Variants in DLC1 observed in about 807,000 individuals in gnomAD.
DLC1 encodes DLC1 Rho GTPase activating protein.
In DLC1, 54 loss-of-function variants were observed where a neutral mutation model predicts 140.3. The observed-to-expected ratio is 0.38, with a 90% CI of 0.31 to 0.48. The LOEUF (loss-of-function observed/expected upper bound fraction) is 0.48, where lower values mean the gene tolerates loss of function less well. DLC1 is among the 20% of genes least tolerant of loss of function. The probability of loss-of-function intolerance (pLI) is 0.96; values close to 1 mark genes in which losing one functional copy is unlikely to be tolerated. For synonymous variants in DLC1, 986 were observed against 728.1 expected, an observed-to-expected ratio of 1.35 and a Z score of -5.70; for missense variants, 2,536 against 1,907.0, an observed-to-expected ratio of 1.33 and a Z score of -6.14.
intron 5 of DLC1, among the ~76,000 whole-genome samples, chr8:13,264,827 A>G (rs1830618037): frequency 6.6e-6 from 1 of 152,224 alleles, no homozygotes; most frequent in Non-Finnish European, 1.5e-5. Flanking sequence ...TGATATTGAA[A>G]CAAAAAACAA....
At chr8:13,270,011 C>T (rs936251528) in intron 5 of DLC1, among the ~76,000 whole-genome samples, 15 of 148,602 alleles carry the variant, frequency 1.0e-4, no homozygotes, top group South Asian at 2.1e-4. Context: ...GAGCTAAGAT[C>T]GTGCCACTGC....
intron 2 of DLC1, among the ~76,000 whole-genome samples, chr8:13,481,146 T>C (rs1192150342): frequency 3.3e-5 from 5 of 152,136 alleles, no homozygotes; most frequent in Non-Finnish European, 7.4e-5. Context: ...ACAAATAGGC[T>C]GGGTGCAGTT....
chr8:13,448,022 A>G (rs1798863312), intron 2 of DLC1, among the ~76,000 whole-genome samples: 1 of 152,222 alleles, frequency 6.6e-6, no homozygotes, highest in East Asian at 1.9e-4. Flanking sequence ...AAGGCCTAGA[A>G]TATTTGGAAG....
chr8:13,281,667 A>G (rs1831370475), intron 5 of DLC1, among the ~76,000 whole-genome samples: 2 of 152,320 alleles, frequency 1.3e-5, no homozygotes, highest in South Asian at 4.1e-4. Flanking sequence ...TACCAAAATC[A>G]CACTATCTTT....
intron 2 of DLC1, among the ~76,000 whole-genome samples, chr8:13,470,731 A>AG: frequency 6.6e-6 from 1 of 152,340 alleles, no homozygotes; most frequent in Non-Finnish European, 1.5e-5. Flanking sequence ...GTCCTAAAAA[A>AG]TGGATAATAG....
chr8:13,132,117 T>C (rs2128963552), intron 5 of DLC1, among the ~76,000 whole-genome samples: 2 of 152,124 alleles, frequency 1.3e-5, no homozygotes, highest in East Asian at 3.9e-4. Context: ...CTCCTCGGCC[T>C]CCTTGTCCGG....
intron 2 of DLC1, among the ~76,000 whole-genome samples, chr8:13,422,817 G>A (rs765617430): frequency 7.2e-5 from 11 of 151,916 alleles, no homozygotes; most frequent in East Asian, 5.8e-4. Flanking sequence ...AAAGGAATGC[G>A]TCCAGTGTTT....
At chr8:13,356,512 A>T (rs1470811898) in intron 4 of DLC1, among the ~76,000 whole-genome samples, 1 of 152,190 alleles carries the variant, frequency 6.6e-6, no homozygotes, top group Non-Finnish European at 1.5e-5. Context: ...CTATGTAGAC[A>T]TTTCTGCTTC....
chr8:13,580,336 T>G lies in DLC1; in HGVS notation c.-126+24201A>C, dbSNP rs796073786. 7.2e-5 allele frequency among the ~76,000 whole-genome samples: 11 copies of G among 152,208 alleles called. 1 individual carries two copies. The highest frequency in any genetic ancestry group is 2.4e-4 in the African/African-American group (10 of 41,544). ...CAGGGTTTCGCCGTGTTAGCCAGGA[T>G]GGCCTCGATCGCCTGACCTCGTGAT... On this transcript the variant is annotated intron_variant, in intron 1 of 1. Transcript: ENST00000631382.
chr8:13,391,170 T>G (rs1836744328), intron 4 of DLC1, among the ~76,000 whole-genome samples: 1 of 147,330 alleles, frequency 6.8e-6, no homozygotes, highest in Non-Finnish European at 1.5e-5. Context: ...TGGACAGAGC[T>G]GCATGTGTAT....
chr8:13,343,010 G>C (rs962191286), intron 4 of DLC1, among the ~76,000 whole-genome samples: 6 of 152,150 alleles, frequency 3.9e-5, no homozygotes, highest in Admixed American at 1.3e-4. Context: ...CTGCTTGAGA[G>C]TAATTTAATT....
chr8:13,537,362 C>G (rs1487199006), intron 1 of DLC1, among the ~76,000 whole-genome samples: 1 of 152,164 alleles, frequency 6.6e-6, no homozygotes, highest in Non-Finnish European at 1.5e-5. Flanking sequence ...TAACACATAG[C>G]GTATGACTCT....
At chr8:13,381,424 A>G (rs1836249744) in intron 4 of DLC1, among the ~76,000 whole-genome samples, 1 of 152,218 alleles carries the variant, frequency 6.6e-6, no homozygotes, top group Non-Finnish European at 1.5e-5. Context: ...GTGTCCTGGT[A>G]GATATGTCTG....
chr8:13,230,748 C>A (rs903549541), intron 5 of DLC1, among the ~76,000 whole-genome samples: 3 of 151,882 alleles, frequency 2.0e-5, no homozygotes, highest in African/African-American at 7.3e-5. Context: ...AAGAGCCCAC[C>A]ACCATGCCCG....
intron 5 of DLC1, among the ~76,000 whole-genome samples, chr8:13,270,518 G>A (rs1312718269): frequency 1.3e-5 from 2 of 152,102 alleles, no homozygotes; most frequent in Non-Finnish European, 2.9e-5. Flanking sequence ...AGGTCCCAAC[G>A]TGCTTAGGAA....
chr8:13,234,241 G>T (rs549532198), intron 5 of DLC1, among the ~76,000 whole-genome samples: 5 of 152,234 alleles, frequency 3.3e-5, no homozygotes, highest in African/African-American at 1.2e-4. Context: ...GCCAAGTCAA[G>T]ATAGATCTTT....
intron 1 of DLC1, among the ~76,000 whole-genome samples, chr8:13,587,507 T>C (rs917201056): frequency 6.7e-6 from 1 of 148,752 alleles, no homozygotes; most frequent in Non-Finnish European, 1.5e-5. Flanking sequence ...GTTTTCCAAA[T>C]GTAAAAATAA....
In DLC1 at chr8:13,232,019, T is replaced by C. The variant is rs533369273; in HGVS notation, c.1348+73250A>G. 2.2e-4 allele frequency among the ~76,000 whole-genome samples: 34 copies of C among 152,268 alleles called. No individual in the cohort carries two copies. In the South Asian group the frequency reaches 6.4e-3, roughly 29 times the overall value. ...TGTTTACTTTTGTTCACTTTAAGAC[T>C]TTCATGAGCCATCCATGGCTTCTCA... On this transcript the variant is annotated intron_variant, in intron 5 of 17. Transcript: ENST00000276297.
chr8:13,177,821 G>A (rs1825834127), intron 5 of DLC1, among the ~76,000 whole-genome samples: 1 of 152,086 alleles, frequency 6.6e-6, no homozygotes, highest in Non-Finnish European at 1.5e-5. Context: ...GAATCAGGTG[G>A]AACTATTCCA....
Sources: gnomAD v4.1 joint callset for allele counts (sites outside exome capture counted in the v4.1 genomes callset) on GRCh38, gnomAD v4.1.1 for gene constraint, MANE v1.5 for transcripts, NCBI Gene and HGNC (gene_info 2026-07-23, HGNC 2026-07-21) for gene names.